XRN1: variants seen among roughly 807,000 people sequenced by gnomAD.
The protein encoded by XRN1 is 5'-3' exoribonuclease 1, also known as strand-exchange protein 1 homolog.
In XRN1, 67 loss-of-function variants were observed where a neutral mutation model predicts 222.3. The ratio of observed to expected loss-of-function variants is 0.30; its 90% CI spans 0.25 to 0.37. The LOEUF (loss-of-function observed/expected upper bound fraction) is 0.37. Among genes scored for constraint, XRN1 ranks in the 10% least tolerant of loss-of-function variants. The probability of loss-of-function intolerance (pLI) is 1.00; values close to 1 mark genes in which losing one functional copy is unlikely to be tolerated. For missense variants in XRN1, 1,707 were observed against 2,000.2 expected, an observed-to-expected ratio of 0.85 and a Z score of 2.80; for synonymous variants, 643 against 652.4, an observed-to-expected ratio of 0.99 and a Z score of 0.22.
At chr3:142,425,647 A>G in intron 3 of XRN1, 109 bp from the exon 4 acceptor site, 1 of 839,316 alleles carries the variant, frequency 1.2e-6, no homozygotes, top group Non-Finnish European at 1.9e-6. Context: ...CTAGGTAGGT[A>G]TAGGATCTCC....
intron 15 of XRN1, among the ~76,000 whole-genome samples, chr3:142,412,314 C>T (rs1314570450): frequency 6.6e-6 from 1 of 152,100 alleles, no homozygotes; most frequent in Non-Finnish European, 1.5e-5. Context: ...CTCTTTATCT[C>T]CGGTAATATT....
chr3:142,386,887 C>A (rs927467976), intron 20 of XRN1, among the ~76,000 whole-genome samples: 1 of 152,020 alleles, frequency 6.6e-6, no homozygotes, highest in South Asian at 2.1e-4. Flanking sequence ...GCTGGTAGAG[C>A]GTAAATTGAT....
chr3:142,326,162 T>G (rs2107895005), intron 37 of XRN1, among the ~76,000 whole-genome samples: 1 of 152,160 alleles, frequency 6.6e-6, no homozygotes, highest in East Asian at 1.9e-4. Flanking sequence ...TAGGATTTTT[T>G]TTTTTTTTCT....
chr3:142,416,308 A>C (rs2068785104), intron 13 of XRN1, among the ~76,000 whole-genome samples: 1 of 152,012 alleles, frequency 6.6e-6, no homozygotes, highest in Non-Finnish European at 1.5e-5. Flanking sequence ...TCAGCCTCCC[A>C]AGTAGCTGGG....
chr3:142,363,360 C>G (rs139473488), intron 29 of XRN1, among the ~76,000 whole-genome samples: 20 of 151,634 alleles, frequency 1.3e-4, no homozygotes, highest in African/African-American at 4.8e-4. Context: ...TTTCTTATTA[C>G]TCACCACTAT....
rs2065057698 is a variant in XRN1 at position 142,310,787 on chromosome 3, C to T, written c.*724G>A. 6.6e-6 allele frequency: 1 copy of T among 152,502 alleles called. No individual in the cohort carries two copies. Among genetic ancestry groups the T allele is most frequent in the African/African-American group, 2.4e-5 (1 of 41,408 alleles). 9.4% of individuals were successfully genotyped at this position (152,502 alleles called of 1,614,324 possible). The stretch of plus-strand genomic sequence containing the variant: ...ACAATTTTACTAGAAATTACTAATG[C>T]TGGTTCTTGAGTAACCTAAAAAATT... On this transcript the variant is annotated 3_prime_UTR_variant, in exon 41 of 41. Coordinates refer to ENST00000392981, the MANE Select transcript of XRN1 (RefSeq NM_001282857.2).
At chr3:142,415,576 T>C (rs1176399100) in intron 13 of XRN1, among the ~76,000 whole-genome samples, 1 of 152,212 alleles carries the variant, frequency 6.6e-6, no homozygotes, top group East Asian at 1.9e-4. Flanking sequence ...TAATGTAAGT[T>C]ACAACAGGAA....
intron 10 of XRN1, among the ~76,000 whole-genome samples, chr3:142,419,519 C>A (rs893477935): frequency 6.6e-6 from 1 of 151,976 alleles, no homozygotes; most frequent in African/African-American, 2.4e-5. Flanking sequence ...AGAAGCTCAA[C>A]AGAATCTTGG....
intron 1 of XRN1, among the ~76,000 whole-genome samples, chr3:142,437,125 T>C (rs992591085): frequency 1.3e-5 from 2 of 152,190 alleles, no homozygotes; most frequent in Non-Finnish European, 2.9e-5. Flanking sequence ...CAGTAGAACT[T>C]TGCTCCCATA....
chr3:142,401,619 G>A (rs2068136183), intron 18 of XRN1, among the ~76,000 whole-genome samples: 1 of 152,150 alleles, frequency 6.6e-6, no homozygotes, highest in African/African-American at 2.4e-5. Flanking sequence ...TCGGGAGGCT[G>A]AGGCAGGAGA....
chr3:142,415,542 G>A (rs1352618987), intron 13 of XRN1, among the ~76,000 whole-genome samples: 2 of 152,200 alleles, frequency 1.3e-5, no homozygotes, highest in African/African-American at 2.4e-5. Flanking sequence ...TTATGTGAGA[G>A]CATGCTTTTT....
Position 142,307,985 on chromosome 3 carries a change from C to T in XRN1, c.*3526G>A, listed in dbSNP as rs1341747516. Reference sequence around the variant, plus strand: ...GGAAGCAACATGATACCAAGAAATACAGCAAGCTCATAAGGCTGAGAAATT... The same window carrying T: ...GGAAGCAACATGATACCAAGAAATATAGCAAGCTCATAAGGCTGAGAAATT... On this transcript the variant is annotated 3_prime_UTR_variant, in exon 41 of 41. Transcript: ENST00000392981. 2 of 152,182 alleles carry T rather than the reference C, an allele frequency of 1.3e-5. No individual in the cohort carries two copies. Among genetic ancestry groups the T allele is most frequent in the Non-Finnish European group, 2.9e-5 (2 of 68,022 alleles). 9.4% of individuals were successfully genotyped at this position (152,182 alleles called of 1,614,324 possible).
intron 32 of XRN1, among the ~76,000 whole-genome samples, chr3:142,347,723 G>C (rs930022963): frequency 1.3e-5 from 2 of 151,438 alleles, no homozygotes; most frequent in African/African-American, 4.9e-5. Context: ...TCAGCCTTCT[G>C]AGTAGCTGGG....
Position 142,412,316 on chromosome 3 carries a change from G to A in XRN1, c.1713+228C>T, listed in dbSNP as rs573561242. 8.6e-5 allele frequency among the ~76,000 whole-genome samples: 13 copies of A among 152,030 alleles called. No homozygotes were observed. The East Asian group carries it at 1.4e-3, about 16-fold the overall frequency. On this transcript the variant is annotated intron_variant, in intron 15 of 40. Transcript: ENST00000392981. ...CTGTATAAAATATCTCTTTATCTCC[G>A]GTAATATTACTCCTTGTTCTGAGGA...
Position 142,359,870 on chromosome 3 carries a change from T to A in XRN1, c.3456A>T (p.Leu1152Phe). The A allele has an allele frequency of 6.2e-7, 1 of 1,603,826 alleles. No individual in the cohort carries two copies. The highest frequency in any genetic ancestry group is 1.7e-4 in the Middle Eastern group (1 of 6,020). ...VLFDEEFPGG[L>F]TIRCSPGRGY... ...CATTGGGAAATACAAACCTTATTGT[T>A]AACCCTCCAGGAAATTCTTCATCAA... The change falls in exon 30 of 41, where the codon TTA (leucine) becomes TTT (phenylalanine). Residue 1152 changes from leucine (L) to phenylalanine (F), a missense_variant. By Grantham distance (22) the Leu-to-Phe change is conservative (BLOSUM62 0). This residue lies in a region of XRN1 where 1,234 missense variants were observed against 1,518.2 expected (regional missense o/e 0.81). Transcript: ENST00000392981.
chr3:142,436,421 G>A (rs942073310), intron 1 of XRN1, among the ~76,000 whole-genome samples: 5 of 152,250 alleles, frequency 3.3e-5, no homozygotes, highest in East Asian at 1.9e-4. Context: ...GAGAAAAGTC[G>A]TGGAGCTAGA....
chr3:142,332,979 C>T lies in XRN1; in HGVS notation c.4050G>A (p.Gln1350=), dbSNP rs776888312. The change falls in exon 35 of 41, where the codon CAG becomes CAA. Residue 1350 remains glutamine, a synonymous_variant. Transcript: ENST00000392981. ...ACAAAATACGAACCATGGCAAATGACTGTGGTGACAAATGCTCTTCACTTG... is the reference window on the plus strand; with the variant it reads ...ACAAAATACGAACCATGGCAAATGATTGTGGTGACAAATGCTCTTCACTTG... ...EPPSEEHLSP[Q]SFAMKGTRML... is the part of the protein sequence containing the mutation. 1.9e-6 allele frequency: 3 copies of T among 1,613,340 alleles called. No individual in the cohort carries two copies. Among genetic ancestry groups the T allele is most frequent in the Non-Finnish European group, 8.5e-7 (1 of 1,179,618 alleles).
chr3:142,420,140 C>A (rs1394684210), intron 10 of XRN1: 1 of 151,942 alleles, frequency 6.6e-6, no homozygotes. Flanking sequence ...CTATAAATAT[C>A]CACATTTTAA....
chr3:142,420,988 A>G (rs1365832067), intron 10 of XRN1, 28 bp downstream of exon 10: 3 of 1,612,448 alleles, frequency 1.9e-6, no homozygotes, highest in Admixed American at 3.3e-5. Context: ...AGTTAAAACA[A>G]TGAAAGGACA....
Sources: allele counts gnomAD v4.1 joint callset (sites outside exome capture counted in the v4.1 genomes callset), GRCh38; gene constraint gnomAD v4.1.1; regional missense constraint gnomAD v4.1.1; transcripts MANE v1.5; gene names NCBI Gene and HGNC (gene_info 2026-07-23, HGNC 2026-07-21).